The following ARFGAP3 variants were observed in gnomAD, a reference collection of about 807,000 sequenced individuals.
ARFGAP3 encodes ARF GTPase activating protein 3, also known as ADP-ribosylation factor GTPase-activating protein 3.
ARFGAP3 carries 72 observed loss-of-function variants against 75.0 expected under a neutral mutation model. That is an observed-to-expected ratio of 0.96 (90% confidence interval 0.79 to 1.17). The LOEUF is 1.17. Ranked by LOEUF, ARFGAP3 falls within the 50% of genes most tolerant of loss-of-function variation. The pLI is 0.00. For missense variants in ARFGAP3, 620 were observed against 626.6 expected, an observed-to-expected ratio of 0.99 and a Z score of 0.11; for synonymous variants, 221 against 217.9, an observed-to-expected ratio of 1.01 and a Z score of -0.13.
intron 1 of ARFGAP3, 63 bp downstream of exon 1, chr22:42,857,051 C>T: frequency 4.8e-6 from 7 of 1,452,550 alleles, no homozygotes; most frequent in Non-Finnish European, 5.5e-6. Context: ...CTGGCGCCCG[C>T]GGGGCCTCCC....
intron 14 of ARFGAP3, among the ~76,000 whole-genome samples, chr22:42,806,745 G>A (rs1043864755): frequency 1.3e-5 from 2 of 152,204 alleles, no homozygotes; most frequent in Admixed American, 6.5e-5. Context: ...AGGATCACAC[G>A]GGAGCCCGGC....
Position 42,798,327 on chromosome 22 carries a change from C to A in ARFGAP3, c.1533+712G>T, listed in dbSNP as rs376376952. Among the ~76,000 whole-genome samples, 185 of 152,318 alleles carry A rather than the reference C, an allele frequency of 1.2e-3. 7 individuals carry two copies. In the South Asian group the frequency reaches 0.037, roughly 30 times the overall value. On this transcript the variant is annotated intron_variant, in intron 15 of 15. Coordinates refer to ENST00000263245, the MANE Select transcript of ARFGAP3 (RefSeq NM_014570.5). ...GCTAGAGCAGCATCTGCCTGGGGAC[C>A]AGGAATCTCCTTTGGAGGCACCAGA...
chr22:42,824,116 C>A lies in ARFGAP3; in HGVS notation c.626-414G>T, dbSNP rs530007608. 4.3e-3 allele frequency among the ~76,000 whole-genome samples: 642 copies of A among 150,068 alleles called. 6 individuals are homozygous for A. Among genetic ancestry groups the A allele is most frequent in the African/African-American group, 0.015 (629 of 40,702 alleles). The stretch of plus-strand genomic sequence containing the variant: ...TACCTCCCAGATCAAGGGAGCCTTC[C>A]ACTTCAGCCTCCTGAGTAGTTGGGA... On this transcript the variant is annotated intron_variant, in intron 7 of 15. Coordinates refer to ENST00000263245, the MANE Select transcript of ARFGAP3 (RefSeq NM_014570.5).
At position 42,836,479 on chromosome 22, in the gene ARFGAP3, T is replaced by C. The variant is rs80026048; in HGVS notation, c.262-986A>G. On this transcript the variant is annotated intron_variant, in intron 3 of 15. Transcript: ENST00000263245. ...AATGGATTCCAGTAAATCAGAATTT[T>C]TGACAAATTAGTGAGGAGCTACATT... is the stretch of plus-strand genomic sequence containing the variant. Among the ~76,000 whole-genome samples, 755 of 152,304 alleles carry C rather than the reference T, an allele frequency of 5.0e-3. 1 individual carries two copies. Among genetic ancestry groups the C allele is most frequent in the African/African-American group, 0.016 (662 of 41,572 alleles).
At chr22:42,815,023 C>T (rs1438559623) in intron 11 of ARFGAP3, among the ~76,000 whole-genome samples, 3 of 152,298 alleles carry the variant, frequency 2.0e-5, no homozygotes, top group Non-Finnish European at 4.4e-5. Context: ...TAAGTGTGAG[C>T]CACCATGCCC....
intron 9 of ARFGAP3, among the ~76,000 whole-genome samples, chr22:42,818,612 A>G (rs1925680562): frequency 6.6e-6 from 1 of 152,132 alleles, no homozygotes; most frequent in Admixed American, 6.6e-5. Context: ...TAGCAAGAAT[A>G]GCAGTTTGCA....
intron 2 of ARFGAP3, 183 bp downstream of exon 2, chr22:42,847,331 C>T (rs1050027916): frequency 5.5e-6 from 3 of 547,300 alleles, no homozygotes; most frequent in Non-Finnish European, 6.5e-6. Context: ...CACACCACAA[C>T]ATTTTTTATT....
At position 42,808,861 on chromosome 22, in the gene ARFGAP3, T is replaced by A. The variant is rs1925242423; in HGVS notation, c.1226A>T (p.Glu409Val). The change falls in exon 13 of 16, where the codon GAG becomes GTG. Residue 409 changes from glutamate (E) to valine (V), a missense_variant. Transcript: ENST00000263245. Reference sequence around the variant, plus strand: ...GGCCTCATCTGTATTTTCAACTGGCTCATAATCTGGCTTGCGGCGAGCAGT... The same window carrying A: ...GGCCTCATCTGTATTTTCAACTGGCACATAATCTGGCTTGCGGCGAGCAGT... ...RPTARRKPDY[E>V]PVENTDEAQK... is the part of the protein sequence containing the mutation. The A allele has an allele frequency of 2.5e-6, 4 of 1,613,164 alleles. 1 individual carries two copies. The South Asian group carries it at 4.4e-5, about 18-fold the overall frequency.
chr22:42,854,146 T>TC (rs1327447821), intron 1 of ARFGAP3, among the ~76,000 whole-genome samples: 1 of 152,204 alleles, frequency 6.6e-6, no homozygotes, highest in African/African-American at 2.4e-5. Context: ...CATCTGCCCT[T>TC]CATCTGTCCA....
At chr22:42,827,538 G>T (rs1926096454) in intron 6 of ARFGAP3, among the ~76,000 whole-genome samples, 1 of 152,194 alleles carries the variant, frequency 6.6e-6, no homozygotes, top group African/African-American at 2.4e-5. Context: ...GGCTAATTTT[G>T]TATTTTTAGT....
chr22:42,841,078 G>A lies in ARFGAP3; in HGVS notation c.189-62C>T, dbSNP rs189034005. On this transcript the variant is annotated intron_variant, in intron 2 of 15. Coordinates refer to ENST00000263245, the MANE Select transcript of ARFGAP3 (RefSeq NM_014570.5). Reference sequence around the variant, plus strand: ...TTATCCCCAGGAGCAAAATCAGTGAGCTTTTGAGAACAAGGTTTCCTTAGG... The same window carrying A: ...TTATCCCCAGGAGCAAAATCAGTGAACTTTTGAGAACAAGGTTTCCTTAGG... The A allele has an allele frequency of 4.1e-5, 65 of 1,570,016 alleles. 1 individual carries two copies. Among genetic ancestry groups the A allele is most frequent in the South Asian group, 9.4e-5 (8 of 85,552 alleles).
Position 42,835,773 on chromosome 22 carries a change from C to T in ARFGAP3, c.262-280G>A, listed in dbSNP as rs1926495149. Among the ~76,000 whole-genome samples the T allele has an allele frequency of 3.9e-5, 6 of 152,106 alleles. No homozygotes were observed. The South Asian group carries it at 1.2e-3, about 32-fold the overall frequency. ...GGCGGAGCTTGCAGTGAGCTGAGATCGTGTCACTGCACTCCAGCCTGGGCA... is the reference window on the plus strand; with the variant it reads ...GGCGGAGCTTGCAGTGAGCTGAGATTGTGTCACTGCACTCCAGCCTGGGCA... On this transcript the variant is annotated intron_variant, in intron 3 of 15. Transcript: ENST00000263245.
intron 5 of ARFGAP3, among the ~76,000 whole-genome samples, chr22:42,832,942 GC>G (rs1926361258): frequency 6.6e-6 from 1 of 151,598 alleles, no homozygotes; most frequent in Non-Finnish European, 1.5e-5. Context: ...CCGAGATCGC[GC>G]CATTGCGCTA....
intron 1 of ARFGAP3, among the ~76,000 whole-genome samples, chr22:42,852,793 C>T (rs1367834979): frequency 6.6e-6 from 1 of 151,772 alleles, no homozygotes; most frequent in African/African-American, 2.4e-5. Flanking sequence ...GAGATGGAGT[C>T]GCTCTCTGTT....
intron 11 of ARFGAP3, among the ~76,000 whole-genome samples, chr22:42,812,216 T>C (rs1201080755): frequency 1.3e-3 from 116 of 87,038 alleles, no homozygotes; most frequent in Non-Finnish European, 1.9e-3. Context: ...CAGAGTGGGA[T>C]ACTGTCTCAA....
rs1926748611 is a variant in ARFGAP3, at chr22:42,840,827, T to C, written c.261+117A>G. 2.7e-6 allele frequency: 3 copies of C among 1,090,934 alleles called. No homozygotes were observed. The Admixed American group carries it at 7.6e-5, about 28-fold the overall frequency. The allele number at this position is 1,090,934 out of a possible 1,614,324, so 67.6% of individuals were successfully genotyped here. A position where few individuals can be genotyped will look rare whatever the true frequency, so the allele number is the denominator to read the frequency against. On this transcript the variant is annotated intron_variant, in intron 3 of 15. Transcript: ENST00000263245. ...CTCCCAAACGCCTGTAATTTCAGCC[T>C]CCCAAATGGCTGAGATTACAGGCAT...
intron 15 of ARFGAP3, 90 bp downstream of exon 15, chr22:42,798,948 AT>A: frequency 1.9e-6 from 2 of 1,077,844 alleles, no homozygotes; most frequent in Non-Finnish European, 1.4e-6. Flanking sequence ...ATATAATTGA[AT>A]TTTCCAGCAG....
chr22:42,837,795 C>G (rs1457644373), intron 3 of ARFGAP3, among the ~76,000 whole-genome samples: 2 of 147,820 alleles, frequency 1.4e-5, no homozygotes, highest in Non-Finnish European at 3.0e-5. Context: ...ATTCTTCTGC[C>G]TCAGACTCCC....
At chr22:42,840,533 C>T (rs1926734089) in intron 3 of ARFGAP3, among the ~76,000 whole-genome samples, 1 of 152,112 alleles carries the variant, frequency 6.6e-6, no homozygotes, top group South Asian at 2.1e-4. Flanking sequence ...TCTCCCGCCT[C>T]AGCCTCCCGA....
Sources: gnomAD v4.1 joint callset for allele counts (sites outside exome capture counted in the v4.1 genomes callset) on GRCh38, gnomAD v4.1.1 for gene constraint, MANE v1.5 for transcripts, NCBI Gene and HGNC (gene_info 2026-07-23, HGNC 2026-07-21) for gene names.